MLLT6: variants seen among roughly 807,000 people sequenced by gnomAD.
The protein encoded by MLLT6 is protein AF-17.
A neutral mutation model predicts 103.0 loss-of-function variants in MLLT6; 22 were observed. That is an observed-to-expected ratio of 0.21 (90% CI 0.15 to 0.31). MLLT6 has a LOEUF of 0.31. Ranked by LOEUF, MLLT6 falls within the 10% of genes least tolerant of loss-of-function variation. The pLI is 1.00. For missense variants in MLLT6, 1,199 were observed against 1,441.7 expected (o/e 0.83, Z 2.73); for synonymous variants, 606 against 623.5 (o/e 0.97, Z 0.42).
chr17:38,716,974 A>G lies in MLLT6; in HGVS notation c.1644A>G (p.Leu548=), dbSNP rs911117332. 53 of 1,613,130 alleles carry G rather than the reference A, an allele frequency of 3.3e-5. No homozygotes were observed. The highest frequency in any genetic ancestry group is 4.4e-5 in the Non-Finnish European group (52 of 1,179,874). The part of the protein sequence containing the change: ...LPSLSLESPL[L]GAGIYTSNKD... ...GCTTGAGCCTGGAGTCCCCCTTACT[A>G]GGGGCAGGTTAGTGACCCCTGGGGA... The change falls in exon 10 of 20, where the codon CTA becomes CTG. Residue 548 remains leucine (L), a synonymous_variant. Transcript: ENST00000621332. This position sits in a 1 kb window ranked among gnomAD's most constrained non-coding sequence, Gnocchi z 5.6.
At position 38,709,424 on chromosome 17, in the gene MLLT6, G is replaced by A; in HGVS notation, c.459-58G>A. ...TCAGCAGGGGGCCAGGAGGGTGAGA[G>A]GAAGGTGGCTCATGTGATCTGTGGC... On this transcript the variant is annotated intron_variant, in intron 5 of 19. Coordinates refer to ENST00000621332, the MANE Select transcript of MLLT6 (RefSeq NM_005937.4). The surrounding 1 kb of genome is among the most constrained non-coding windows in gnomAD (Gnocchi z 4.3). 6.6e-7 allele frequency: 1 copy of A among 1,504,864 alleles called. No homozygotes were observed. The highest frequency in any genetic ancestry group is 1.1e-5 in the South Asian group (1 of 88,928). 93.2% of individuals were successfully genotyped at this position (1,504,864 alleles called of 1,614,324 possible).
intron 16 of MLLT6, among the ~76,000 whole-genome samples, chr17:38,721,331 C>G (rs1012723589): frequency 2.0e-5 from 3 of 152,106 alleles, no homozygotes; most frequent in African/African-American, 7.2e-5. Flanking sequence ...TTGTCATGCC[C>G]TATGCAAAAA....
At position 38,729,240 on chromosome 17, in the gene MLLT6, G is replaced by T. The variant is rs977975515; in HGVS notation, c.*3642G>T. ...GTTAGGGGTAGGCAGCTTGCACCCA[G>T]TTCTCCTTTATCTCAACTTATTTTC... is the stretch of plus-strand genomic sequence containing the variant. On this transcript the variant is annotated 3_prime_UTR_variant, in exon 20 of 20. Transcript: ENST00000621332. 10 of 233,330 alleles carry T rather than the reference G, an allele frequency of 4.3e-5. No individual in the cohort carries two copies. Among genetic ancestry groups the T allele is most frequent in the African/African-American group, 2.2e-4 (10 of 45,490 alleles). The allele number at this position is 233,330 out of a possible 1,614,324, so 14.5% of individuals were successfully genotyped here.
rs1805176594 is a variant in MLLT6, at chr17:38,717,555, G to C, written c.1775G>C (p.Ser592Thr). 5.6e-6 allele frequency: 9 copies of C among 1,613,858 alleles called. No homozygotes were observed. The highest frequency in any genetic ancestry group is 7.6e-6 in the Non-Finnish European group (9 of 1,179,934). The change falls in exon 11 of 20, where the codon AGC (serine) becomes ACC (threonine). Residue 592 changes from serine (S) to threonine (T), a missense_variant. By Grantham distance (58) the Ser-to-Thr change is moderately conservative. Around this residue, in one of 7 missense-constraint regions of MLLT6, gnomAD observed 1,034 missense variants for 1,091.5 expected, o/e 0.95. Transcript: ENST00000621332. ...PPGTSALPRL[S>T]RSPFTSTLPS... The stretch of plus-strand genomic sequence containing the variant: ...GGGACCTCGGCCCTGCCCCGCCTCA[G>C]CCGCTCCCCGTTCACCAGCACCCTC...
At chr17:38,719,393 G>A in intron 12 of MLLT6, 124 bp from the exon 13 acceptor site, 1 of 895,294 alleles carries the variant, frequency 1.1e-6, no homozygotes, top group Non-Finnish European at 1.8e-6. Context: ...CTGCCAGTGT[G>A]GGGTTGGGGA....
chr17:38,728,548 T>G lies in MLLT6; in HGVS notation c.*2950T>G. 4.3e-6 allele frequency: 1 copy of G among 233,478 alleles called. No homozygotes were observed. The highest frequency in any genetic ancestry group is 2.2e-5 in the African/African-American group (1 of 45,432). 14.5% of individuals were successfully genotyped at this position (233,478 alleles called of 1,614,324 possible). A position where few individuals can be genotyped will look rare whatever the true frequency, so the allele number is the denominator to read the frequency against. ...GAGGAGGTGTGAGTGGGGGTGCATA[T>G]AGAGGCAGTGCCTGCTGTGGGGTCA... On this transcript the variant is annotated 3_prime_UTR_variant, in exon 20 of 20. Coordinates refer to ENST00000621332, the MANE Select transcript of MLLT6 (RefSeq NM_005937.4).
chr17:38,711,166 A>G (rs1431016153), intron 6 of MLLT6, among the ~76,000 whole-genome samples: 1 of 152,070 alleles, frequency 6.6e-6, no homozygotes, highest in African/African-American at 2.4e-5. Context: ...CCTTAGAGGG[A>G]GCAGCTATAA....
At chr17:38,710,585 C>T (rs1056514137) in intron 6 of MLLT6, among the ~76,000 whole-genome samples, 14 of 151,938 alleles carry the variant, frequency 9.2e-5, no homozygotes, top group Admixed American at 7.9e-4. Context: ...CTTGCCTAAT[C>T]GTGGGAGTGG....
Position 38,724,727 on chromosome 17 carries a change from G to A in MLLT6, c.2991G>A (p.Leu997=). The change falls in exon 19 of 20, where the codon CTG becomes CTA. Residue 997 remains leucine, a synonymous_variant. Coordinates refer to ENST00000621332, the MANE Select transcript of MLLT6 (RefSeq NM_005937.4). The surrounding 1 kb of genome is among the most constrained non-coding windows in gnomAD (Gnocchi z 5.4). ...CCCAGCTGCCCATGGCCAGCCTGCT[G>A]GCAGGAAGCTCCACCCCGCTGCTGT... is the stretch of plus-strand genomic sequence containing the variant. The part of the protein sequence containing the change: ...GGSQLPMASL[L]AGSSTPLLSA... The A allele has an allele frequency of 6.2e-7, 1 of 1,612,326 alleles. No homozygotes were observed. The highest frequency in any genetic ancestry group is 1.1e-5 in the South Asian group (1 of 90,870).
chr17:38,720,549 C>T lies in MLLT6; in HGVS notation c.2333C>T (p.Pro778Leu). 6.2e-7 allele frequency: 1 copy of T among 1,612,242 alleles called. No homozygotes were observed. ...GCCGCCAACGGCCCTGTCCCTGGGCCCTATGGCCTGCCTCCCCAAGGTGAG... is the reference window on the plus strand; with the variant it reads ...GCCGCCAACGGCCCTGTCCCTGGGCTCTATGGCCTGCCTCCCCAAGGTGAG... ...LPAANGPVPG[P>L]YGLPPQAGSS... Residue 778 changes from proline (P) to leucine (L), a missense_variant, in exon 15 of 20, where the codon CCC becomes CTC. Pro to Leu is a moderately conservative substitution (Grantham distance 98, BLOSUM62 -3). Around this residue, in one of 7 missense-constraint regions of MLLT6, gnomAD observed 1,034 missense variants for 1,091.5 expected, o/e 0.95. Coordinates refer to ENST00000621332, the MANE Select transcript of MLLT6 (RefSeq NM_005937.4).
chr17:38,720,127 G>A, intron 14 of MLLT6: 2 of 704,492 alleles, frequency 2.8e-6, no homozygotes, highest in East Asian at 2.7e-5. Flanking sequence ...TTACCAAACC[G>A]CAACTTCCGC....
intron 7 of MLLT6, chr17:38,712,244 T>G (rs1382754807): frequency 2.5e-6 from 1 of 402,386 alleles, no homozygotes; most frequent in Non-Finnish European, 3.4e-6. Context: ...CCCCATGACA[T>G]CACAGTGTCC....
chr17:38,722,827 TC>T, intron 18 of MLLT6, 59 bp downstream of exon 18: 1 of 1,267,970 alleles, frequency 7.9e-7, no homozygotes, highest in South Asian at 1.2e-5. Flanking sequence ...AGGGCACATC[TC>T]AGAGGATCAG....
chr17:38,720,661 G>A lies in MLLT6; in HGVS notation c.2356G>A (p.Gly786Ser), dbSNP rs1388571347. Residue 786 changes from glycine (G) to serine (S), a missense_variant and splice_region_variant, in exon 16 of 20, where the codon GGC becomes AGC. Transcript: ENST00000621332. ...AGCCTGTGACATCCCTCCCACAGCC[G>A]GCAGCAGCGACTCCTTGAGCACCAG... is the stretch of plus-strand genomic sequence containing the variant. ...PGPYGLPPQA[G>S]SSDSLSTSKS... 1.9e-6 allele frequency: 3 copies of A among 1,613,712 alleles called. No individual in the cohort carries two copies. Among genetic ancestry groups the A allele is most frequent in the Non-Finnish European group, 1.7e-6 (2 of 1,180,022 alleles).
At position 38,709,133 on chromosome 17, in the gene MLLT6, G is replaced by C; in HGVS notation, c.355-40G>C. 6.6e-7 allele frequency: 1 copy of C among 1,520,336 alleles called. No homozygotes were observed. Among genetic ancestry groups the C allele is most frequent in the African/African-American group, 1.4e-5 (1 of 72,750 alleles). 94.2% of individuals were successfully genotyped at this position (1,520,336 alleles called of 1,614,324 possible). A position where few individuals can be genotyped will look rare whatever the true frequency, so the allele number is the denominator to read the frequency against. ...GCCTAAGGACCATCAGTAGAACAGGGGCTCCCTGGAGGAGGGGACGATTGC... is the reference window on the plus strand; with the variant it reads ...GCCTAAGGACCATCAGTAGAACAGGCGCTCCCTGGAGGAGGGGACGATTGC... On this transcript the variant is annotated intron_variant, in intron 4 of 19. Transcript: ENST00000621332. The surrounding 1 kb of genome is among the most constrained non-coding windows in gnomAD (Gnocchi z 4.3).
Position 38,716,588 on chromosome 17 carries a change from C to G in MLLT6, c.1258C>G (p.Arg420Gly). The change falls in exon 10 of 20, where the codon CGG becomes GGG. Residue 420 changes from arginine (R) to glycine (G), a missense_variant. This residue lies in a region of MLLT6 where 1,034 missense variants were observed against 1,091.5 expected (regional missense o/e 0.95). Transcript: ENST00000621332. The surrounding 1 kb of genome is among the most constrained non-coding windows in gnomAD (Gnocchi z 5.6). ...STTTSSSGRA[R>G]APSPGDYKSP... ...CACCACCTCCAGCTCAGGCCGGGCC[C>G]GGGCGCCCTCCCCTGGGGACTATAA... is the stretch of plus-strand genomic sequence containing the variant. 6.2e-7 allele frequency: 1 copy of G among 1,614,054 alleles called. No individual in the cohort carries two copies. The highest frequency in any genetic ancestry group is 8.5e-7 in the Non-Finnish European group (1 of 1,180,022).
At chr17:38,708,152 C>T (rs1460536958) in intron 4 of MLLT6, 2 of 480,750 alleles carry the variant, frequency 4.2e-6, no homozygotes, top group Non-Finnish European at 7.5e-6. Context: ...TATTAAGTGC[C>T]TACTATGTGC....
intron 1 of MLLT6, 192 bp downstream of exon 1, chr17:38,705,933 ATTG>A (rs1904895649): frequency 3.8e-6 from 1 of 262,644 alleles, no homozygotes; most frequent in East Asian, 7.3e-5. Flanking sequence ...TTTCTTGCCT[ATTG>A]TTCCAGTTCC....
In MLLT6 at chr17:38,726,789, C is replaced by T. The variant is rs1032485889; in HGVS notation, c.*1191C>T. 3.4e-5 allele frequency: 8 copies of T among 233,626 alleles called. No homozygotes were observed. The highest frequency in any genetic ancestry group is 1.8e-4 in the African/African-American group (8 of 45,380). The allele number at this position is 233,626 out of a possible 1,614,324, so 14.5% of individuals were successfully genotyped here. ...GCCACTGCTTTTAGCAAAAGCCTCC[C>T]TCCCAGAATTAGCCAGCTTGCCTCC... On this transcript the variant is annotated 3_prime_UTR_variant, in exon 20 of 20. Transcript: ENST00000621332.
Sources: allele counts gnomAD v4.1 joint callset (sites outside exome capture counted in the v4.1 genomes callset), GRCh38; gene constraint gnomAD v4.1.1; regional missense constraint gnomAD v4.1.1; non-coding constraint Gnocchi (gnomAD v3.1); transcripts MANE v1.5; gene names NCBI Gene and HGNC (gene_info 2026-07-23, HGNC 2026-07-21).